Variants in MYH11 observed in about 807,000 individuals in gnomAD.
MYH11 encodes the protein myosin-11.
In MYH11, 80 loss-of-function variants were observed where a neutral mutation model predicts 246.6. The observed-to-expected ratio is 0.32, with a 90% CI of 0.27 to 0.39. The LOEUF is 0.39. Among genes scored for constraint, MYH11 ranks in the 10% least tolerant of loss-of-function variants. The pLI is 1.00. For missense variants in MYH11, 2,158 were observed against 2,546.8 expected, an observed-to-expected ratio of 0.85 and a Z score of 3.29; for synonymous variants, 1,071 against 1,015.5, an observed-to-expected ratio of 1.05 and a Z score of -1.04.
At chr16:15,755,536 C>T (rs1045073325) in intron 14 of MYH11, among the ~76,000 whole-genome samples, 4 of 152,170 alleles carry the variant, frequency 2.6e-5, no homozygotes, top group Admixed American at 6.5e-5. Context: ...TGCTCATAAT[C>T]CCAGCACTTC....
intron 10 of MYH11, among the ~76,000 whole-genome samples, chr16:15,762,701 C>T (rs1196051233): frequency 6.6e-6 from 1 of 152,160 alleles, no homozygotes; most frequent in African/African-American, 2.4e-5. Flanking sequence ...CTCTGATCCA[C>T]GAATGCTCAA....
intron 2 of MYH11, among the ~76,000 whole-genome samples, chr16:15,833,087 A>C (rs79518250): frequency 1.4e-3 from 214 of 149,486 alleles, no homozygotes; most frequent in African/African-American, 4.7e-3. Context: ...GCTTGAGCTC[A>C]GGAGTTCGAG....
intron 37 of MYH11, 74 bp downstream of exon 37, chr16:15,718,241 G>T (rs1483354345): frequency 3.1e-6 from 5 of 1,600,616 alleles, no homozygotes; most frequent in Non-Finnish European, 4.2e-6. Context: ...CGCCACGCGT[G>T]TGTTGACTGG....
Position 15,750,463 on chromosome 16 carries a change from C to G in MYH11, c.1865-132G>C, listed in dbSNP as rs2041538121. 2.3e-6 allele frequency: 2 copies of G among 878,184 alleles called. No individual in the cohort carries two copies. Among genetic ancestry groups the G allele is most frequent in the African/African-American group, 3.3e-5 (2 of 60,252 alleles). 54.4% of individuals were successfully genotyped at this position (878,184 alleles called of 1,614,324 possible). Reference sequence around the variant, plus strand: ...CTTCCATCACCAACGCCTCCTTCGGCAGTCAGGGTTTCCAAGTATTGTCTA... The same window carrying G: ...CTTCCATCACCAACGCCTCCTTCGGGAGTCAGGGTTTCCAAGTATTGTCTA... On this transcript the variant is annotated intron_variant, in intron 15 of 40. Coordinates refer to ENST00000300036, the MANE Select transcript of MYH11 (RefSeq NM_002474.3). This position sits in a 1 kb window ranked among gnomAD's most constrained non-coding sequence, Gnocchi z 4.3.
chr16:15,732,824 CCT>C lies in MYH11; in HGVS notation c.3507-118_3507-117del, dbSNP rs2041007818. 4 of 1,289,466 alleles carry C rather than the reference CCT, an allele frequency of 3.1e-6. 1 individual carries two copies. In the South Asian group the frequency reaches 3.7e-5, roughly 12 times the overall value. The allele number at this position is 1,289,466 out of a possible 1,614,324, so 79.9% of individuals were successfully genotyped here. A position where few individuals can be genotyped will look rare whatever the true frequency, so the allele number is the denominator to read the frequency against. On this transcript the variant is annotated intron_variant, in intron 26 of 40. Coordinates refer to ENST00000300036, the MANE Select transcript of MYH11 (RefSeq NM_002474.3). ...CAGAGCTGCAGTCCTCATCACCACC[CCT>C]CTCTAGCTGTGTGACCTTGGGTCAT...
intron 9 of MYH11, among the ~76,000 whole-genome samples, chr16:15,765,539 C>G (rs2041963609): frequency 6.6e-6 from 1 of 152,170 alleles, no homozygotes; most frequent in Non-Finnish European, 1.5e-5. Context: ...TAGCTTAACT[C>G]AGGTACAAAT....
At chr16:15,732,817 C>G in intron 26 of MYH11, 109 bp from the exon 27 acceptor site, 1 of 1,328,226 alleles carries the variant, frequency 7.5e-7, no homozygotes, top group Non-Finnish European at 1.1e-6. Context: ...CAGTCCTCAT[C>G]ACCACCCCTC....
At chr16:15,797,297 T>C (rs2042763514) in intron 4 of MYH11, among the ~76,000 whole-genome samples, 1 of 152,174 alleles carries the variant, frequency 6.6e-6, no homozygotes, top group Non-Finnish European at 1.5e-5. Context: ...CCAGATAATT[T>C]CATGCAAATA....
rs183568083 is a variant in MYH11, at chr16:15,816,286, T to C, written c.502+6969A>G. 2.9e-3 allele frequency among the ~76,000 whole-genome samples: 445 copies of C among 152,166 alleles called. 3 individuals are homozygous for C. Among genetic ancestry groups the C allele is most frequent in the Middle Eastern group, 0.01 (3 of 294 alleles). ...GCAGATCAGAAGGCTATAGTAGAGA[T>C]CACATTCAAGGAGATGATATCAATA... On this transcript the variant is annotated intron_variant, in intron 3 of 40. Transcript: ENST00000300036.
intron 1 of MYH11, among the ~76,000 whole-genome samples, chr16:15,843,134 C>A (rs1596946229): frequency 6.6e-6 from 1 of 152,016 alleles, no homozygotes; most frequent in African/African-American, 2.4e-5. Flanking sequence ...CTTTGAGAGG[C>A]CCAGGTGGGC....
chr16:15,818,124 T>C (rs1203933448), intron 3 of MYH11, among the ~76,000 whole-genome samples: 6 of 152,190 alleles, frequency 3.9e-5, no homozygotes, highest in African/African-American at 1.4e-4. Flanking sequence ...ATTCAGTGCA[T>C]GTGTGTTACC....
At chr16:15,716,522 T>TTGTG (rs959063999) in intron 38 of MYH11, among the ~76,000 whole-genome samples, 1 of 151,962 alleles carries the variant, frequency 6.6e-6, no homozygotes, top group Admixed American at 6.6e-5. Flanking sequence ...GGGGTTTTTT[T>TTGTG]TGTGTGTGTG....
intron 2 of MYH11, among the ~76,000 whole-genome samples, chr16:15,835,674 G>C (rs139434269): frequency 6.6e-6 from 1 of 151,598 alleles, no homozygotes; most frequent in African/African-American, 2.4e-5. Context: ...TTCAGTGCCT[G>C]CACTTAACAT....
intron 33 of MYH11, 28 bp downstream of exon 33, chr16:15,720,811 C>G (rs762533619): frequency 5.6e-6 from 9 of 1,609,926 alleles, no homozygotes; most frequent in East Asian, 2.2e-5. Context: ...CCCGACCTCC[C>G]TCTGCTGGCC....
chr16:15,762,747 C>G (rs903780670), intron 10 of MYH11, among the ~76,000 whole-genome samples: 1 of 152,200 alleles, frequency 6.6e-6, no homozygotes, highest in Non-Finnish European at 1.5e-5. Flanking sequence ...ACTCTGTTCT[C>G]CCATGCAGCC....
At chr16:15,710,747 G>A (rs913591570) in intron 40 of MYH11, among the ~76,000 whole-genome samples, 8 of 151,946 alleles carry the variant, frequency 5.3e-5, no homozygotes, top group Non-Finnish European at 7.4e-5. Context: ...CTTGATCTTG[G>A]CTCACTGCAG....
At chr16:15,713,818 A>G (rs1490324388) in intron 40 of MYH11, 1 of 152,450 alleles carries the variant, frequency 6.6e-6, no homozygotes, top group Non-Finnish European at 1.5e-5. Context: ...GCTTTCACCA[A>G]ATGATTGCAG....
intron 2 of MYH11, among the ~76,000 whole-genome samples, chr16:15,832,921 A>T: frequency 7.4e-6 from 1 of 135,168 alleles, no homozygotes; most frequent in African/African-American, 2.7e-5. Context: ...GACTAAGCAC[A>T]TCTGAGCTTC....
intron 9 of MYH11, among the ~76,000 whole-genome samples, chr16:15,764,934 G>A (rs60150942): frequency 0.14 from 21,822 of 152,220 alleles, 1,982 homozygotes; most frequent in South Asian, 0.32. Flanking sequence ...AAACAAAAAC[G>A]CTGTGTTCCC....
Sources: gnomAD v4.1 joint callset for allele counts (sites outside exome capture counted in the v4.1 genomes callset) on GRCh38, gnomAD v4.1.1 for gene constraint, Gnocchi (gnomAD v3.1) non-coding constraint, MANE v1.5 for transcripts, NCBI Gene and HGNC (gene_info 2026-07-23, HGNC 2026-07-21) for gene names.